Variants in ENTPD5 observed in about 807,000 individuals in gnomAD.
The protein encoded by ENTPD5 is nucleoside diphosphate phosphatase ENTPD5.
In ENTPD5, 49 loss-of-function variants were observed where a neutral mutation model predicts 60.2. That is an observed-to-expected ratio of 0.81 (90% confidence interval 0.65 to 1.03). ENTPD5 has a LOEUF of 1.03. ENTPD5 is among the 50% of genes least tolerant of loss of function. The pLI is 0.00. For missense variants in ENTPD5, 480 were observed against 507.6 expected (o/e 0.95, Z 0.52); for synonymous variants, 187 against 185.4 (o/e 1.01, Z -0.07).
rs181564839 is a variant in ENTPD5 at position 73,965,866 on chromosome 14, A to G, written c.*1062T>C. ...CCACTGTACTGATGTGGGCTGAGAG[A>G]GCCAACCAAATCCAAGTGGGGTTTT... On this transcript the variant is annotated 3_prime_UTR_variant, in exon 16 of 16. Coordinates refer to ENST00000334696, the MANE Select transcript of ENTPD5 (RefSeq NM_001249.5). The G allele has an allele frequency of 4.6e-5, 7 of 152,344 alleles. No homozygotes were observed. The East Asian group carries it at 9.6e-4, about 21-fold the overall frequency. 9.4% of individuals were successfully genotyped at this position (152,344 alleles called of 1,614,324 possible). A position where few individuals can be genotyped will look rare whatever the true frequency, so the allele number is the denominator to read the frequency against.
At chr14:73,959,008 C>G (rs769027057), downstream of ENTPD5, 3 of 1,614,130 alleles carry the variant, frequency 1.9e-6, no homozygotes, top group Middle Eastern at 3.3e-4. Context: ...GTACGGCAGG[C>G]TGTTGGAATC....
intron 3 of ENTPD5, among the ~76,000 whole-genome samples, chr14:74,002,627 A>G (rs1273224991): frequency 6.6e-6 from 1 of 152,034 alleles, no homozygotes; most frequent in African/African-American, 2.4e-5. Context: ...GAATCCGACC[A>G]TTTCTGACCA....
At chr14:73,976,895 C>A (rs1182110442) in intron 8 of ENTPD5, 129 bp downstream of exon 8, 2 of 829,140 alleles carry the variant, frequency 2.4e-6, no homozygotes, top group Non-Finnish European at 3.8e-6. Flanking sequence ...GCATGAACTG[C>A]CACACCCAGC....
intron 3 of ENTPD5, among the ~76,000 whole-genome samples, chr14:73,991,563 GGAGGACAGAGCAAGAATCTGT>G: frequency 6.9e-6 from 1 of 145,406 alleles, no homozygotes; most frequent in African/African-American, 2.5e-5. Flanking sequence ...GCTCCAGCCT[GGAGGACAGAGCAAGAATCTGT>G]CTTAAAAAAA....
At chr14:73,998,060 G>C (rs1333151340) in intron 3 of ENTPD5, among the ~76,000 whole-genome samples, 4 of 152,122 alleles carry the variant, frequency 2.6e-5, no homozygotes, top group Non-Finnish European at 4.4e-5. Context: ...GAAAGAATGA[G>C]GGTCGTGACC....
chr14:73,975,253 G>C (rs963132932), intron 10 of ENTPD5, among the ~76,000 whole-genome samples: 10 of 152,112 alleles, frequency 6.6e-5, no homozygotes, highest in African/African-American at 2.2e-4. Flanking sequence ...ACCATTCCCA[G>C]AAAAGCTCTC....
chr14:73,956,621 T>G (rs2056449665), downstream of ENTPD5: 1 of 149,982 alleles, frequency 6.7e-6, no homozygotes, highest in Non-Finnish European at 1.5e-5. Context: ...TGATGCTGAG[T>G]ATCTTTTCAT....
intron 3 of ENTPD5, among the ~76,000 whole-genome samples, chr14:73,991,242 G>A (rs879439583): frequency 9.9e-5 from 15 of 152,016 alleles, no homozygotes; most frequent in Admixed American, 3.3e-4. Context: ...GATCTCATCC[G>A]TAAAGGAAAA....
chr14:73,975,880 A>G (rs2057419657), intron 10 of ENTPD5, 56 bp downstream of exon 10: 3 of 1,401,282 alleles, frequency 2.1e-6, no homozygotes, highest in Admixed American at 3.8e-5. Flanking sequence ...AATGCTTTGG[A>G]AAGTTAGGAG....
downstream of ENTPD5, chr14:73,959,523 G>T: frequency 6.2e-7 from 1 of 1,614,078 alleles, no homozygotes; most frequent in Non-Finnish European, 8.5e-7. Flanking sequence ...CTCTGCCTTT[G>T]TGAGTATCAA....
intron 3 of ENTPD5, among the ~76,000 whole-genome samples, chr14:73,988,964 C>CA (rs551993683): frequency 8.7e-4 from 132 of 152,246 alleles, no homozygotes; most frequent in African/African-American, 2.9e-3. Flanking sequence ...GCTGGGATTA[C>CA]AGGGACCCAC....
chr14:73,967,905 A>G (rs2057054825), intron 15 of ENTPD5, among the ~76,000 whole-genome samples: 1 of 151,992 alleles, frequency 6.6e-6, no homozygotes, highest in African/African-American at 2.4e-5. Context: ...CGGGTGGATC[A>G]CCTGAGATCA....
chr14:73,962,811 T>C (rs1448023363), downstream of ENTPD5: 5 of 649,798 alleles, frequency 7.7e-6, no homozygotes, highest in African/African-American at 1.8e-5. Context: ...AGTGAGACCC[T>C]GTCTCTAAAA....
chr14:74,003,533 C>T, intron 3 of ENTPD5: 2 of 847,160 alleles, frequency 2.4e-6, no homozygotes, highest in Non-Finnish European at 1.9e-6. Context: ...ATGCCAGATG[C>T]TGGGGATGCT....
At chr14:74,003,471 TA>T in intron 3 of ENTPD5, 3 of 1,429,502 alleles carry the variant, frequency 2.1e-6, no homozygotes, top group Non-Finnish European at 2.8e-6. Flanking sequence ...GAGGTCCAAG[TA>T]AACCGCTAGC....
At chr14:73,955,633 G>A, downstream of ENTPD5, 2 of 1,328,936 alleles carry the variant, frequency 1.5e-6, no homozygotes, top group Non-Finnish European at 1.1e-6. Context: ...TCAGTCCGAG[G>A]AAGTGGGGAG....
chr14:73,988,250 G>A (rs1364299691), intron 3 of ENTPD5, 78 bp from the exon 4 acceptor site: 2 of 1,345,260 alleles, frequency 1.5e-6, no homozygotes, highest in African/African-American at 3.0e-5. Context: ...ACTCACTCCT[G>A]GGCCCAAGGT....
chr14:73,976,803 G>A (rs554123346), intron 8 of ENTPD5, among the ~76,000 whole-genome samples: 135 of 152,080 alleles, frequency 8.9e-4, no homozygotes, highest in Non-Finnish European at 1.6e-3. Flanking sequence ...ACGGAGTTTC[G>A]CCATGTTGGC....
intron 2 of ENTPD5, among the ~76,000 whole-genome samples, chr14:74,011,898 C>T (rs1386174445): frequency 1.3e-5 from 2 of 151,952 alleles, no homozygotes; most frequent in Non-Finnish European, 2.9e-5. Flanking sequence ...ACTCCCAGCA[C>T]TTTGGGAGGC....
Sources: allele counts gnomAD v4.1 joint callset (sites outside exome capture counted in the v4.1 genomes callset), GRCh38; gene constraint gnomAD v4.1.1; transcripts MANE v1.5; gene names NCBI Gene and HGNC (gene_info 2026-07-23, HGNC 2026-07-21).